Variants in KCNMA1 observed in about 807,000 individuals in gnomAD.
KCNMA1 encodes potassium calcium-activated channel subfamily M alpha 1, also known as Calcium-activated potassium channel subunit alpha-1.
In KCNMA1, 29 loss-of-function variants were observed where a neutral mutation model predicts 140.0. The ratio of observed to expected loss-of-function variants is 0.21; its 90% confidence interval spans 0.15 to 0.28. The LOEUF is 0.28. KCNMA1 is among the 10% of genes least tolerant of loss of function. KCNMA1 has a pLI of 1.00. For missense variants in KCNMA1, 880 were observed against 1,602.2 expected, an observed-to-expected ratio of 0.55 and a Z score of 7.70; for synonymous variants, 612 against 611.9, an observed-to-expected ratio of 1.00 and a Z score of 0.00.
At chr10:77,081,994 C>CTTTT (rs1470602558) in intron 12 of KCNMA1, among the ~76,000 whole-genome samples, 1 of 68,524 alleles carries the variant, frequency 1.5e-5, no homozygotes, top group Non-Finnish European at 2.8e-5. Flanking sequence ...CCAGTAATTT[C>CTTTT]TTTTTTTCTT....
intron 1 of KCNMA1, among the ~76,000 whole-genome samples, chr10:77,552,171 T>C (rs1170163133): frequency 6.6e-6 from 1 of 152,138 alleles, no homozygotes; most frequent in Non-Finnish European, 1.5e-5. Flanking sequence ...GCCCAGCCAC[T>C]ACAAAGGGGC....
intron 2 of KCNMA1, among the ~76,000 whole-genome samples, chr10:77,255,786 AC>A (rs2060603017): frequency 6.6e-6 from 1 of 151,638 alleles, no homozygotes; most frequent in South Asian, 2.1e-4. Context: ...GGTGGCGCTC[AC>A]CTGTATTCCC....
intron 2 of KCNMA1, among the ~76,000 whole-genome samples, chr10:77,253,052 G>A (rs548561742): frequency 6.6e-6 from 1 of 152,082 alleles, no homozygotes; most frequent in Admixed American, 6.6e-5. Flanking sequence ...ACAAAAACAT[G>A]AGCAGGCCTT....
intron 3 of KCNMA1, chr10:77,217,640 G>A: frequency 1.2e-5 from 5 of 419,952 alleles, no homozygotes; most frequent in South Asian, 8.5e-5. Flanking sequence ...GAGAAAAAAA[G>A]TGGTATGAAG....
chr10:77,107,392 T>C (rs2097218271), intron 9 of KCNMA1, among the ~76,000 whole-genome samples: 1 of 152,238 alleles, frequency 6.6e-6, no homozygotes, highest in Non-Finnish European at 1.5e-5. Flanking sequence ...TTCCTCACTT[T>C]ATATGTTAAA....
At chr10:77,255,529 G>T (rs1325216418) in intron 2 of KCNMA1, among the ~76,000 whole-genome samples, 2 of 152,254 alleles carry the variant, frequency 1.3e-5, no homozygotes, top group East Asian at 3.9e-4. Flanking sequence ...GAACCCTGGA[G>T]GCAGAGGTTG....
chr10:76,948,014 T>C (rs1274204182), intron 22 of KCNMA1, among the ~76,000 whole-genome samples: 5 of 152,292 alleles, frequency 3.3e-5, no homozygotes, highest in Admixed American at 2.6e-4. Flanking sequence ...TTTGTTTTTG[T>C]TTTTGTTTGA....
chr10:76,926,379 C>A (rs751249742), intron 23 of KCNMA1, among the ~76,000 whole-genome samples: 6 of 152,124 alleles, frequency 3.9e-5, no homozygotes, highest in Non-Finnish European at 7.4e-5. Context: ...AGGAAGATGT[C>A]ATGAAGATTG....
At chr10:77,195,072 A>G (rs2040002063) in intron 3 of KCNMA1, among the ~76,000 whole-genome samples, 1 of 152,112 alleles carries the variant, frequency 6.6e-6, no homozygotes, top group South Asian at 2.1e-4. Context: ...GTTGTTGTTG[A>G]GGATTTTTTT....
chr10:76,995,368 A>G, intron 19 of KCNMA1: 1 of 353,868 alleles, frequency 2.8e-6, no homozygotes, highest in Non-Finnish European at 5.8e-6. Context: ...AGGCGCTGCA[A>G]ACTCCACACT....
rs2097290324 is a variant in KCNMA1, at chr10:77,110,303, T to C, written c.1001A>G (p.Asn334Ser). ...SGDPWENFQNNQALTYWECVY... is the reference protein window; with the variant it reads ...SGDPWENFQNSQALTYWECVY... ...ACATTCCCAGTAGGTGAGAGCCTGGTTGTTTTGGAAATTTTCCCATGGGTC... is the reference window on the plus strand; with the variant it reads ...ACATTCCCAGTAGGTGAGAGCCTGGCTGTTTTGGAAATTTTCCCATGGGTC... The change falls in exon 8 of 28, where the codon AAC (asparagine) becomes AGC (serine). Residue 334 changes from asparagine to serine, a missense_variant. Asn to Ser is a conservative substitution (Grantham distance 46, BLOSUM62 1). Around this residue, in one of 13 missense-constraint regions of KCNMA1, gnomAD observed 198 missense variants for 580.1 expected, o/e 0.34. Transcript: ENST00000286628. 1 of 1,614,094 alleles carries C rather than the reference T, an allele frequency of 6.2e-7. No individual in the cohort carries two copies. Among genetic ancestry groups the C allele is most frequent in the Non-Finnish European group, 8.5e-7 (1 of 1,179,926 alleles).
chr10:77,391,495 G>A (rs1458321459), intron 2 of KCNMA1, among the ~76,000 whole-genome samples: 1 of 152,204 alleles, frequency 6.6e-6, no homozygotes, highest in Non-Finnish European at 1.5e-5. Flanking sequence ...GAAAGCCAGA[G>A]AAGCCACTGT....
At chr10:77,555,222 G>A (rs1242408022) in intron 1 of KCNMA1, among the ~76,000 whole-genome samples, 1 of 152,226 alleles carries the variant, frequency 6.6e-6, no homozygotes, top group Non-Finnish European at 1.5e-5. Flanking sequence ...GCGGGAGTCA[G>A]ACGGCCCCCT....
chr10:77,413,018 C>T (rs567204477), intron 1 of KCNMA1, among the ~76,000 whole-genome samples: 2 of 152,040 alleles, frequency 1.3e-5, no homozygotes, highest in African/African-American at 2.4e-5. Flanking sequence ...TCATCATACC[C>T]GGCTAATTTT....
chr10:77,198,896 CAGG>C (rs1299959885), intron 3 of KCNMA1, among the ~76,000 whole-genome samples: 1 of 152,082 alleles, frequency 6.6e-6, no homozygotes, highest in East Asian at 1.9e-4. Flanking sequence ...AAATGTTCTC[CAGG>C]AGTTCAGCCT....
intron 2 of KCNMA1, among the ~76,000 whole-genome samples, chr10:77,300,031 A>G (rs1406509235): frequency 2.6e-5 from 4 of 152,202 alleles, no homozygotes; most frequent in African/African-American, 9.7e-5. Flanking sequence ...GCTCATGCTG[A>G]GCCTCTGTGG....
At chr10:77,128,452 G>T (rs2097787601) in intron 5 of KCNMA1, among the ~76,000 whole-genome samples, 1 of 141,788 alleles carries the variant, frequency 7.1e-6, no homozygotes. Flanking sequence ...TTGGGGCACT[G>T]GTTCTGGACT....
rs569329144 is a variant in KCNMA1, at chr10:77,559,435, C to A, written c.378+77830G>T. 1.1e-4 allele frequency among the ~76,000 whole-genome samples: 17 copies of A among 152,280 alleles called. 1 individual carries two copies. In the South Asian group the frequency reaches 3.5e-3, roughly 32 times the overall value. On this transcript the variant is annotated intron_variant, in intron 1 of 27. Transcript: ENST00000286628. ...TGTAATTGTGAAATGCTTTGAATAT[C>A]CTCCCCACACGGGCCCAGTCAATGG...
chr10:77,516,239 G>T (rs983359672), intron 1 of KCNMA1, among the ~76,000 whole-genome samples: 6 of 151,866 alleles, frequency 4.0e-5, no homozygotes, highest in African/African-American at 1.2e-4. Context: ...TCCTTCCTGG[G>T]TCTTGGCCAC....
Sources: allele counts gnomAD v4.1 joint callset (sites outside exome capture counted in the v4.1 genomes callset), GRCh38; gene constraint gnomAD v4.1.1; regional missense constraint gnomAD v4.1.1; transcripts MANE v1.5; gene names NCBI Gene and HGNC (gene_info 2026-07-23, HGNC 2026-07-21).